Variants in CSMD1 observed in about 807,000 individuals in gnomAD.
CSMD1 encodes the protein CUB and Sushi multiple domains 1, also known as CUB and sushi domain-containing protein 1.
A neutral mutation model predicts 417.5 loss-of-function variants in CSMD1; 213 were observed. That is an observed-to-expected ratio of 0.51 (90% CI 0.46 to 0.57). The LOEUF is 0.57. CSMD1 is among the 20% of genes least tolerant of loss of function. The pLI, the probability that CSMD1 is intolerant of heterozygous loss-of-function variation, is 0.00. For missense variants in CSMD1, 6,923 were observed against 4,529.7 expected, an observed-to-expected ratio of 1.53 and a Z score of -15.17; for synonymous variants, 2,862 against 1,736.8, an observed-to-expected ratio of 1.65 and a Z score of -16.11.
At chr8:3,166,097 G>T (rs1247799366) in intron 37 of CSMD1, among the ~76,000 whole-genome samples, 1 of 151,940 alleles carries the variant, frequency 6.6e-6, no homozygotes, top group East Asian at 1.9e-4. Flanking sequence ...GTGGTGTTTG[G>T]TAATAAATAT....
At chr8:3,774,846 C>G (rs1798812952) in intron 5 of CSMD1, among the ~76,000 whole-genome samples, 2 of 152,154 alleles carry the variant, frequency 1.3e-5, no homozygotes, top group South Asian at 4.1e-4. Flanking sequence ...TCCAAGACTA[C>G]CAGTGGATGC....
chr8:4,884,957 G>A (rs568430168), intron 1 of CSMD1, among the ~76,000 whole-genome samples: 13 of 152,218 alleles, frequency 8.5e-5, no homozygotes, highest in Admixed American at 1.3e-4. Flanking sequence ...GTAGCAATAT[G>A]AAATCTCCCA....
chr8:3,945,879 G>A lies in CSMD1; in HGVS notation c.818+52024C>T, dbSNP rs112251210. Among the ~76,000 whole-genome samples, 651 of 152,178 alleles carry A rather than the reference G, an allele frequency of 4.3e-3. 7 individuals are homozygous for A. The highest frequency in any genetic ancestry group is 0.014 in the African/African-American group (589 of 41,540). Reference sequence around the variant, plus strand: ...GAATCATTATTCCAGAAATGCTGTAGACATAAGAACGTACTGACTATTCAC... The same window carrying A: ...GAATCATTATTCCAGAAATGCTGTAAACATAAGAACGTACTGACTATTCAC... On this transcript the variant is annotated intron_variant, in intron 5 of 69. Transcript: ENST00000635120.
intron 26 of CSMD1, among the ~76,000 whole-genome samples, chr8:3,232,477 T>C (rs1798899214): frequency 6.6e-6 from 1 of 152,184 alleles, no homozygotes; most frequent in Non-Finnish European, 1.5e-5. Flanking sequence ...CCATGATTTT[T>C]CCATCCTCTT....
chr8:3,940,760 G>C (rs999522769), intron 5 of CSMD1, among the ~76,000 whole-genome samples: 1 of 150,320 alleles, frequency 6.7e-6, no homozygotes. Flanking sequence ...AAATTGTTTT[G>C]TTGTATACAC....
rs187932524 is a variant in CSMD1 at position 3,875,796 on chromosome 8, G to A, written c.819-121754C>T. On this transcript the variant is annotated intron_variant, in intron 5 of 69. Transcript: ENST00000635120. The stretch of plus-strand genomic sequence containing the variant: ...CCTCAAAGCTTTGTGGTAAAGGGAA[G>A]GTACAAAAACAGCTGAGAGCTTGAG... 2.0e-3 allele frequency among the ~76,000 whole-genome samples: 297 copies of A among 152,256 alleles called. 1 individual carries two copies. The highest frequency in any genetic ancestry group is 3.5e-3 in the Non-Finnish European group (240 of 68,014).
At chr8:3,015,776 G>T (rs1808778180) in intron 52 of CSMD1, among the ~76,000 whole-genome samples, 1 of 152,064 alleles carries the variant, frequency 6.6e-6, no homozygotes, top group South Asian at 2.1e-4. Flanking sequence ...ATGGAAACAG[G>T]GAAAGGGTTA....
chr8:4,738,886 C>G (rs900467064), intron 1 of CSMD1, among the ~76,000 whole-genome samples: 1 of 53,928 alleles, frequency 1.9e-5, no homozygotes, highest in Admixed American at 1.9e-4. Flanking sequence ...ATCTATTATA[C>G]TTAAAATTCT....
chr8:3,800,118 C>A (rs75372132), intron 5 of CSMD1, among the ~76,000 whole-genome samples: 2 of 151,958 alleles, frequency 1.3e-5, no homozygotes, highest in African/African-American at 2.4e-5. Context: ...AAGTATATGG[C>A]GCTATTTATA....
intron 10 of CSMD1, among the ~76,000 whole-genome samples, chr8:3,504,560 C>T (rs187216807): frequency 6.6e-6 from 1 of 152,298 alleles, no homozygotes; most frequent in East Asian, 1.9e-4. Context: ...CATTCTGCCA[C>T]CATTTGAAGT....
chr8:4,004,453 T>C (rs2740970), intron 4 of CSMD1, among the ~76,000 whole-genome samples: 58,043 of 151,204 alleles, frequency 0.38, 11,450 homozygotes, highest in South Asian at 0.45. Flanking sequence ...GGCTATTTTA[T>C]AGTAAAATAA....
At chr8:4,653,848 T>C (rs1002275739) in intron 1 of CSMD1, among the ~76,000 whole-genome samples, 4 of 152,176 alleles carry the variant, frequency 2.6e-5, no homozygotes, top group Non-Finnish European at 4.4e-5. Flanking sequence ...TTTAGGATTC[T>C]GAAGAAGACA....
chr8:4,354,655 A>C (rs905066741), intron 3 of CSMD1, among the ~76,000 whole-genome samples: 1 of 152,118 alleles, frequency 6.6e-6, no homozygotes, highest in Non-Finnish European at 1.5e-5. Flanking sequence ...ATGAACATCT[A>C]TGCAGAATTT....
At chr8:4,765,076 A>G (rs17080165) in intron 1 of CSMD1, among the ~76,000 whole-genome samples, 1,561 of 152,230 alleles carry the variant, frequency 0.01, 29 homozygotes, top group African/African-American at 0.036. Flanking sequence ...AGCATGAGGA[A>G]CAGGTATGCA....
intron 62 of CSMD1, among the ~76,000 whole-genome samples, chr8:2,960,365 G>A (rs1015111680): frequency 3.9e-5 from 6 of 152,220 alleles, no homozygotes; most frequent in African/African-American, 1.4e-4. Flanking sequence ...ATATTTTCGT[G>A]CTCACGAGAG....
chr8:3,999,120 A>C (rs1216404746), intron 4 of CSMD1, among the ~76,000 whole-genome samples: 1 of 151,400 alleles, frequency 6.6e-6, no homozygotes, highest in African/African-American at 2.4e-5. Context: ...CATGTTTTTT[A>C]AAATTTCTTC....
At chr8:4,070,494 A>C (rs1301008330) in intron 3 of CSMD1, among the ~76,000 whole-genome samples, 2 of 152,058 alleles carry the variant, frequency 1.3e-5, no homozygotes, top group African/African-American at 4.8e-5. Flanking sequence ...AGTAGCTGGG[A>C]CTACAGGCGC....
At chr8:4,630,158 A>G (rs1449475538) in intron 2 of CSMD1, among the ~76,000 whole-genome samples, 1 of 152,238 alleles carries the variant, frequency 6.6e-6, no homozygotes, top group East Asian at 1.9e-4. Context: ...TCCTCATAGT[A>G]TTGCAAACAT....
intron 41 of CSMD1, among the ~76,000 whole-genome samples, chr8:3,122,172 T>C (rs1585405743): frequency 6.6e-6 from 1 of 152,162 alleles, no homozygotes. Flanking sequence ...AAGCTTTATA[T>C]ACAGAAAATC....
Sources: allele counts gnomAD v4.1 joint callset (sites outside exome capture counted in the v4.1 genomes callset), GRCh38; gene constraint gnomAD v4.1.1; transcripts MANE v1.5; gene names NCBI Gene and HGNC (gene_info 2026-07-23, HGNC 2026-07-21).